The following PTPRT variants were observed in gnomAD, a reference collection of about 807,000 sequenced individuals.
PTPRT encodes protein tyrosine phosphatase receptor type T.
In PTPRT, 56 loss-of-function variants were observed where a neutral mutation model predicts 176.8. The ratio of observed to expected loss-of-function variants is 0.32; its 90% CI spans 0.26 to 0.40. The LOEUF is 0.40. Ranked by LOEUF, PTPRT falls within the 10% of genes least tolerant of loss-of-function variation. PTPRT has a pLI of 1.00. For synonymous variants in PTPRT, 783 were observed against 739.0 expected, an observed-to-expected ratio of 1.06 and a Z score of -0.96; for missense variants, 1,540 against 1,908.2, an observed-to-expected ratio of 0.81 and a Z score of 3.60.
intron 9 of PTPRT, among the ~76,000 whole-genome samples, chr20:42,386,211 AG>A: frequency 6.6e-6 from 1 of 152,276 alleles, no homozygotes; most frequent in East Asian, 1.9e-4. Context: ...GGGGCTGGAG[AG>A]GTGAGCCAAA....
chr20:42,495,850 G>T lies in PTPRT; in HGVS notation c.1154-23288C>A, dbSNP rs115783161. ...CTGGCAGACTTAAAAACTACATACAGTTGACCCTTGTATATAATGCAAGGG... is the reference window on the plus strand; with the variant it reads ...CTGGCAGACTTAAAAACTACATACATTTGACCCTTGTATATAATGCAAGGG... On this transcript the variant is annotated intron_variant, in intron 7 of 30. Coordinates refer to ENST00000373187, the MANE Select transcript of PTPRT (RefSeq NM_007050.6). Among the ~76,000 whole-genome samples the T allele has an allele frequency of 2.3e-3, 357 of 152,180 alleles. 5 individuals are homozygous for T. The highest frequency in any genetic ancestry group is 8.0e-3 in the African/African-American group (334 of 41,540).
intron 15 of PTPRT, among the ~76,000 whole-genome samples, chr20:42,211,665 G>C (rs1161903407): frequency 1.4e-5 from 2 of 146,562 alleles, no homozygotes; most frequent in Non-Finnish European, 1.5e-5. Context: ...TGGAGAGGAT[G>C]TGGAGAAATA....
intron 27 of PTPRT, among the ~76,000 whole-genome samples, chr20:42,087,893 A>G (rs1984164020): frequency 6.7e-6 from 1 of 149,542 alleles, no homozygotes; most frequent in Non-Finnish European, 1.5e-5. Flanking sequence ...AAAAAAAAAA[A>G]AATAGAAGAA....
At chr20:42,597,925 A>T (rs2073702376) in intron 7 of PTPRT, among the ~76,000 whole-genome samples, 1 of 152,120 alleles carries the variant, frequency 6.6e-6, no homozygotes, top group Non-Finnish European at 1.5e-5. Context: ...AAAACTTAAA[A>T]TGTTTACAAT....
intron 6 of PTPRT, among the ~76,000 whole-genome samples, chr20:42,709,947 A>T (rs898842938): frequency 3.3e-5 from 5 of 152,216 alleles, no homozygotes; most frequent in Non-Finnish European, 7.3e-5. Flanking sequence ...TCATGCCCTA[A>T]GAATCTGTGG....
chr20:42,602,836 T>G (rs62203818), intron 7 of PTPRT, among the ~76,000 whole-genome samples: 3,907 of 152,192 alleles, frequency 0.026, 78 homozygotes, highest in Middle Eastern at 0.095. Flanking sequence ...TATATGATTG[T>G]GGGCAAATTG....
intron 2 of PTPRT, among the ~76,000 whole-genome samples, chr20:42,810,039 T>G (rs1303057901): frequency 1.3e-5 from 2 of 152,168 alleles, no homozygotes; most frequent in Non-Finnish European, 2.9e-5. Context: ...AGGCCTGTAA[T>G]CCTAGCACTT....
chr20:42,061,549 A>G, the PTPRT span, among the ~76,000 whole-genome samples: 2 of 152,234 alleles, frequency 1.3e-5, no homozygotes, highest in East Asian at 1.9e-4. Flanking sequence ...TTGAGTCTCA[A>G]TTTAAAATTT....
intron 1 of PTPRT, among the ~76,000 whole-genome samples, chr20:42,958,361 A>T (rs189983): frequency 4.1e-4 from 7 of 17,028 alleles, no homozygotes; most frequent in African/African-American, 4.8e-4. Flanking sequence ...CTGGGAAGGG[A>T]GGGGAGGGGA....
chr20:42,725,018 T>G (rs2076358960), intron 6 of PTPRT, among the ~76,000 whole-genome samples: 1 of 150,034 alleles, frequency 6.7e-6, no homozygotes. Context: ...TTTGTGTGTG[T>G]GTGTGTGTGT....
intron 1 of PTPRT, among the ~76,000 whole-genome samples, chr20:42,953,532 CCT>C (rs1317473479): frequency 6.6e-6 from 1 of 152,176 alleles, no homozygotes; most frequent in African/African-American, 2.4e-5. Context: ...GCTCAGATGA[CCT>C]CTGTTCCTGG....
chr20:42,407,248 C>T (rs747748915), intron 9 of PTPRT, among the ~76,000 whole-genome samples: 20 of 152,082 alleles, frequency 1.3e-4, no homozygotes, highest in Admixed American at 9.2e-4. Flanking sequence ...TGAGGGGCCA[C>T]GGGGGAAGAG....
At chr20:42,385,001 AT>A (rs1422997569) in intron 9 of PTPRT, among the ~76,000 whole-genome samples, 1 of 152,142 alleles carries the variant, frequency 6.6e-6, no homozygotes, top group African/African-American at 2.4e-5. Context: ...TATCAGGTAT[AT>A]GGTATGCAAA....
At chr20:42,060,374 G>T in the PTPRT span, among the ~76,000 whole-genome samples, 1 of 152,100 alleles carries the variant, frequency 6.6e-6, no homozygotes, top group Non-Finnish European at 1.5e-5. Flanking sequence ...TGGGATGAGG[G>T]GGAAAGGATT....
intron 13 of PTPRT, among the ~76,000 whole-genome samples, chr20:42,262,703 A>C (rs17316022): frequency 0.017 from 2,591 of 152,292 alleles, 51 homozygotes; most frequent in Non-Finnish European, 0.026. Flanking sequence ...TTATTTATTA[A>C]ATCATTCATG....
At chr20:42,087,988 T>TG (rs1470215380) in intron 27 of PTPRT, among the ~76,000 whole-genome samples, 2 of 148,196 alleles carry the variant, frequency 1.3e-5, no homozygotes, top group Non-Finnish European at 3.0e-5. Context: ...AATGTTGAGG[T>TG]GGGGGGTGGG....
intron 15 of PTPRT, among the ~76,000 whole-genome samples, chr20:42,235,082 T>G (rs1258962884): frequency 6.6e-6 from 1 of 152,180 alleles, no homozygotes; most frequent in Non-Finnish European, 1.5e-5. Context: ...TTCACATCCT[T>G]CAATCTCTTT....
chr20:42,280,740 A>G (rs778290114), intron 13 of PTPRT, among the ~76,000 whole-genome samples: 6 of 152,130 alleles, frequency 3.9e-5, no homozygotes, highest in Admixed American at 3.3e-4. Context: ...AACTCTAGAG[A>G]AGCCCAGCAG....
At chr20:42,632,097 G>C (rs1255297821) in intron 7 of PTPRT, among the ~76,000 whole-genome samples, 1 of 152,244 alleles carries the variant, frequency 6.6e-6, no homozygotes, top group African/African-American at 2.4e-5. Context: ...AGAAACCCTA[G>C]AGACCAAAGC....
Sources: allele counts gnomAD v4.1 joint callset (sites outside exome capture counted in the v4.1 genomes callset), GRCh38; gene constraint gnomAD v4.1.1; transcripts MANE v1.5; gene names NCBI Gene and HGNC (gene_info 2026-07-23, HGNC 2026-07-21).